Variants in LARS1 observed in about 807,000 individuals in gnomAD.
LARS1 encodes leucine--tRNA ligase, cytoplasmic.
Under a neutral mutation model 162.8 loss-of-function variants are expected in LARS1, and 100 were observed. The observed-to-expected ratio is 0.61, with a 90% CI of 0.52 to 0.73. The LOEUF (loss-of-function observed/expected upper bound fraction) is 0.73, where lower values mean the gene tolerates loss of function less well. Among genes scored for constraint, LARS1 ranks in the 30% least tolerant of loss-of-function variants. The pLI is 0.00. For synonymous variants in LARS1, 457 were observed against 462.8 expected (o/e 0.99, Z 0.16); for missense variants, 1,258 against 1,408.9 (o/e 0.89, Z 1.71).
intron 2 of LARS1, among the ~76,000 whole-genome samples, chr5:146,173,342 C>A (rs1174255411): frequency 6.6e-6 from 1 of 150,846 alleles, no homozygotes; most frequent in Non-Finnish European, 1.5e-5. Flanking sequence ...GAAAATGAGA[C>A]TCCATCTCAA....
At chr5:146,173,464 G>A (rs1754367736) in intron 2 of LARS1, among the ~76,000 whole-genome samples, 1 of 150,002 alleles carries the variant, frequency 6.7e-6, no homozygotes, top group South Asian at 2.1e-4. Flanking sequence ...GCAATTCAAA[G>A]TCCCTCAGGT....
chr5:146,124,786 G>C (rs1273510955), intron 28 of LARS1, among the ~76,000 whole-genome samples: 2 of 151,798 alleles, frequency 1.3e-5, no homozygotes, highest in Non-Finnish European at 2.9e-5. Context: ...CGCTTACTAT[G>C]CAAGTTCTAT....
intron 21 of LARS1, among the ~76,000 whole-genome samples, chr5:146,137,056 C>G (rs1276543218): frequency 2.0e-5 from 3 of 152,126 alleles, no homozygotes; most frequent in African/African-American, 7.2e-5. Flanking sequence ...ACAACCAGGC[C>G]CAGCTAATTT....
rs891018740 is a variant in LARS1 at position 146,144,542 on chromosome 5, G to A, written c.1590-5C>T. 5 of 1,613,790 alleles carry A rather than the reference G, an allele frequency of 3.1e-6. No individual in the cohort carries two copies. Among genetic ancestry groups the A allele is most frequent in the Middle Eastern group, 3.3e-4 (2 of 6,062 alleles). ...TCTTCTCCATAATCCAAGTACCTGGGAGTGGACAAATTGATATGTTTTTTT... is the reference window on the plus strand; with the variant it reads ...TCTTCTCCATAATCCAAGTACCTGGAAGTGGACAAATTGATATGTTTTTTT... On this transcript the variant is annotated splice_polypyrimidine_tract_variant and splice_region_variant and intron_variant, in intron 16 of 31. Transcript: ENST00000394434.
chr5:146,142,831 G>T (rs1394051704), intron 20 of LARS1, 41 bp downstream of exon 20: 1 of 1,482,846 alleles, frequency 6.7e-7, no homozygotes, highest in African/African-American at 1.4e-5. Context: ...CACCCCTATT[G>T]ACAATCAATA....
intron 23 of LARS1, 33 bp downstream of exon 23, chr5:146,132,865 T>TAAAACACA: frequency 1.9e-6 from 3 of 1,574,784 alleles, no homozygotes; most frequent in Non-Finnish European, 2.6e-6. Flanking sequence ...TAAGTAACTC[T>TAAAACACA]AAAACACAAA....
At chr5:146,147,865 G>C (rs541571296) in intron 15 of LARS1, among the ~76,000 whole-genome samples, 10 of 152,096 alleles carry the variant, frequency 6.6e-5, no homozygotes, top group Non-Finnish European at 1.3e-4. Context: ...CTACACCCAA[G>C]GCAAATCATG....
At chr5:146,152,029 G>GAACAC (rs758941823) in intron 13 of LARS1, 27 bp from the exon 14 acceptor site, 1 of 1,612,280 alleles carries the variant, frequency 6.2e-7, no homozygotes, top group Non-Finnish European at 8.5e-7. Context: ...TCAGGAACGT[G>GAACAC]TTCACACTGA....
Position 146,130,820 on chromosome 5 carries a change from T to G in LARS1, c.2487+199A>C, listed in dbSNP as rs1752243204. On this transcript the variant is annotated intron_variant, in intron 24 of 31. Transcript: ENST00000394434. Reference sequence around the variant, plus strand: ...CTTAACTAGGAGCAGAATTATTAAATTAAATGGACACAATAGAAAAAATAC... The same window carrying G: ...CTTAACTAGGAGCAGAATTATTAAAGTAAATGGACACAATAGAAAAAATAC... 3 of 412,854 alleles carry G rather than the reference T, an allele frequency of 7.3e-6. No individual in the cohort carries two copies. In the South Asian group the frequency reaches 2.0e-4, roughly 28 times the overall value. The allele number at this position is 412,854 out of a possible 1,614,324, so 25.6% of individuals were successfully genotyped here.
In LARS1 at chr5:146,133,099, A is replaced by C. The variant is rs1413774130; in HGVS notation, c.2213-18T>G. On this transcript the variant is annotated intron_variant, in intron 22 of 31. Coordinates refer to ENST00000394434, the MANE Select transcript of LARS1 (RefSeq NM_020117.11). ...ACGCATTCCTGGAAGAAGAAAAAAA[A>C]ATTCAATGCATTAAAAATATGGTTA... 6.2e-7 allele frequency: 1 copy of C among 1,610,528 alleles called. No homozygotes were observed. Among genetic ancestry groups the C allele is most frequent in the Admixed American group, 1.7e-5 (1 of 59,634 alleles).
rs1414405912 is a variant in LARS1 at position 146,132,910 on chromosome 5, C to CT, written c.2383dup (p.Arg795LysfsTer6). ...ATCTACAGATTACCTGGCAAAAACT[C>CT]TATCATTGAAAGTGCTGGCAGGACC... On this transcript the variant is annotated frameshift_variant, in exon 23 of 32. Transcript: ENST00000394434. LOFTEE classifies it high-confidence loss of function. 1.2e-6 allele frequency: 2 copies of CT among 1,613,218 alleles called. No individual in the cohort carries two copies. Among genetic ancestry groups the CT allele is most frequent in the Admixed American group, 1.7e-5 (1 of 59,992 alleles).
chr5:146,150,320 T>TA (rs1384487316), intron 14 of LARS1, among the ~76,000 whole-genome samples: 2 of 152,224 alleles, frequency 1.3e-5, no homozygotes, highest in African/African-American at 4.8e-5. Context: ...ACATGACTCT[T>TA]ATATTTCTCT....
chr5:146,161,630 G>A (rs1465882399), intron 6 of LARS1, among the ~76,000 whole-genome samples: 3 of 152,082 alleles, frequency 2.0e-5, no homozygotes, highest in Admixed American at 6.6e-5. Context: ...GCGCATGCCT[G>A]TAATCCCAGC....
intron 20 of LARS1, among the ~76,000 whole-genome samples, chr5:146,141,062 G>C (rs1234451211): frequency 6.6e-6 from 1 of 152,124 alleles, no homozygotes; most frequent in Non-Finnish European, 1.5e-5. Context: ...TGCAGGCAAG[G>C]ATGAAAGTTC....
At chr5:146,162,405 T>C (rs1753816246) in intron 6 of LARS1, among the ~76,000 whole-genome samples, 1 of 152,190 alleles carries the variant, frequency 6.6e-6, no homozygotes, top group Non-Finnish European at 1.5e-5. Context: ...CAATGAACAG[T>C]AATATTTTGA....
intron 4 of LARS1, among the ~76,000 whole-genome samples, chr5:146,170,713 G>A (rs1196687511): frequency 1.3e-5 from 2 of 151,796 alleles, no homozygotes; most frequent in Non-Finnish European, 2.9e-5. Flanking sequence ...GAGAGAGAAG[G>A]GCTAGGCGTG....
intron 27 of LARS1, 143 bp from the exon 28 acceptor site, chr5:146,126,688 GGAAGTGA>G: frequency 1.8e-6 from 1 of 569,800 alleles, no homozygotes; most frequent in Non-Finnish European, 3.2e-6. Context: ...AGCATCACGG[GGAAGTGA>G]AAGCTCAATG....
At chr5:146,157,320 G>T in intron 10 of LARS1, 83 bp downstream of exon 10, 2 of 1,214,072 alleles carry the variant, frequency 1.6e-6, no homozygotes, top group African/African-American at 1.5e-5. Context: ...TTTTAAGGTT[G>T]TAATGCTCTT....
chr5:146,151,424 G>A (rs1172287397), intron 14 of LARS1, among the ~76,000 whole-genome samples: 1 of 152,058 alleles, frequency 6.6e-6, no homozygotes, highest in Non-Finnish European at 1.5e-5. Flanking sequence ...AGAAAAGAAT[G>A]GTTCAGAACA....
Sources: allele counts gnomAD v4.1 joint callset (sites outside exome capture counted in the v4.1 genomes callset), GRCh38; gene constraint gnomAD v4.1.1; transcripts MANE v1.5; gene names NCBI Gene and HGNC (gene_info 2026-07-23, HGNC 2026-07-21).